TIMP2: variants seen among roughly 807,000 people sequenced by gnomAD.
The protein encoded by TIMP2 is metalloproteinase inhibitor 2.
In TIMP2, 5 loss-of-function variants were observed where a neutral mutation model predicts 24.3. The ratio of observed to expected loss-of-function variants is 0.21; its 90% CI spans 0.11 to 0.43. The LOEUF (loss-of-function observed/expected upper bound fraction) is 0.43, where lower values mean the gene tolerates loss of function less well. Among genes scored for constraint, TIMP2 ranks in the 20% least tolerant of loss-of-function variants. TIMP2 has a pLI of 1.00. For synonymous variants in TIMP2, 130 were observed against 123.2 expected (o/e 1.06, Z -0.37); for missense variants, 221 against 297.5 (o/e 0.74, Z 1.89).
chr17:78,913,109 C>A (rs7503017), intron 1 of TIMP2, among the ~76,000 whole-genome samples: 9,259 of 152,252 alleles, frequency 0.061, 731 homozygotes, highest in African/African-American at 0.18. Flanking sequence ...AACAGGCCAT[C>A]AGCCCAGCAG....
chr17:78,890,393 G>A (rs1471962753), intron 1 of TIMP2, among the ~76,000 whole-genome samples: 1 of 152,082 alleles, frequency 6.6e-6, no homozygotes, highest in Non-Finnish European at 1.5e-5. Flanking sequence ...GTAAAAACGG[G>A]GTTTCGCCAT....
chr17:78,905,532 G>A (rs1476662939), intron 1 of TIMP2, among the ~76,000 whole-genome samples: 2 of 152,222 alleles, frequency 1.3e-5, no homozygotes, highest in East Asian at 3.8e-4. Context: ...CTAAAGCAAG[G>A]GGAGAGGTTC....
chr17:78,885,627 T>A (rs1369189003), intron 1 of TIMP2, among the ~76,000 whole-genome samples: 1 of 151,980 alleles, frequency 6.6e-6, no homozygotes, highest in Non-Finnish European at 1.5e-5. Flanking sequence ...CCTGTGCACT[T>A]GTGTCCGGAA....
chr17:78,891,306 T>A lies in TIMP2; in HGVS notation c.131-17387A>T. 6.4e-7 allele frequency: 1 copy of A among 1,550,528 alleles called. No individual in the cohort carries two copies. The highest frequency in any genetic ancestry group is 8.7e-7 in the Non-Finnish European group (1 of 1,146,974). Reference sequence around the variant, plus strand: ...CTCCTGGGTTCCCCGGCAGGCAGCATCTCTGGGTCTGCCATTTTCTTCCCT... The same window carrying A: ...CTCCTGGGTTCCCCGGCAGGCAGCAACTCTGGGTCTGCCATTTTCTTCCCT... On this transcript the variant is annotated intron_variant, in intron 1 of 4. Transcript: ENST00000262768. This position sits in a 1 kb window ranked among gnomAD's most constrained non-coding sequence, Gnocchi z 4.5.
intron 1 of TIMP2, among the ~76,000 whole-genome samples, chr17:78,909,678 C>T (rs1218592829): frequency 3.3e-5 from 5 of 152,170 alleles, no homozygotes; most frequent in Non-Finnish European, 7.4e-5. Flanking sequence ...CCTAGGGTCA[C>T]CGTAAGGCTC....
At chr17:78,866,982 C>T (rs981561721) in intron 3 of TIMP2, among the ~76,000 whole-genome samples, 1 of 152,164 alleles carries the variant, frequency 6.6e-6, no homozygotes, top group African/African-American at 2.4e-5. Context: ...AATTGTAGGC[C>T]GGGCGCGGTG....
chr17:78,916,385 A>T (rs2070258254), intron 1 of TIMP2, among the ~76,000 whole-genome samples: 2 of 151,688 alleles, frequency 1.3e-5, no homozygotes, highest in South Asian at 4.2e-4. Context: ...CACAATTTCC[A>T]CTGTCTGCTG....
intron 1 of TIMP2, chr17:78,899,528 T>A (rs1325293700): frequency 1.3e-5 from 2 of 152,250 alleles, no homozygotes; most frequent in Non-Finnish European, 2.9e-5. Flanking sequence ...GGCCCAGGAA[T>A]GCAGCCAGTT....
chr17:78,882,229 C>T (rs935702746), intron 1 of TIMP2, among the ~76,000 whole-genome samples: 1 of 152,212 alleles, frequency 6.6e-6, no homozygotes, highest in Non-Finnish European at 1.5e-5. Context: ...ATCTTGGCCT[C>T]CCAGAGTGCT....
chr17:78,857,389 C>T, intron 4 of TIMP2, 133 bp downstream of exon 4: 1 of 1,272,592 alleles, frequency 7.9e-7, no homozygotes, highest in Non-Finnish European at 1.1e-6. Context: ...GATGACTCTA[C>T]CTTCCCAGAG....
chr17:78,896,691 T>TC lies in TIMP2; in HGVS notation c.131-22773dup, dbSNP rs1430299463. On this transcript the variant is annotated intron_variant, in intron 1 of 4. Coordinates refer to ENST00000262768, the MANE Select transcript of TIMP2 (RefSeq NM_003255.5). The surrounding 1 kb of genome is among the most constrained non-coding windows in gnomAD (Gnocchi z 4.4). ...TTCAACCACTCAGAGAAACCACAGC[T>TC]CCCCCCTCCGCAGAAGCCGCGCTCG... Among the ~76,000 whole-genome samples the TC allele has an allele frequency of 4.6e-5, 7 of 150,796 alleles. No individual in the cohort carries two copies. Among genetic ancestry groups the TC allele is most frequent in the Non-Finnish European group, 8.9e-5 (6 of 67,774 alleles).
chr17:78,880,033 G>A (rs556988994), intron 1 of TIMP2, among the ~76,000 whole-genome samples: 1 of 152,082 alleles, frequency 6.6e-6, no homozygotes, highest in Non-Finnish European at 1.5e-5. Flanking sequence ...AGGCCGGACC[G>A]GCTGCTGCTG....
intron 1 of TIMP2, among the ~76,000 whole-genome samples, chr17:78,910,888 A>G (rs1046610521): frequency 6.6e-5 from 10 of 152,264 alleles, no homozygotes; most frequent in Middle Eastern, 3.4e-3. Context: ...GGTTGATTCC[A>G]TATCTTGGCT....
chr17:78,909,691 G>A (rs893205565), intron 1 of TIMP2, among the ~76,000 whole-genome samples: 3 of 152,130 alleles, frequency 2.0e-5, no homozygotes, highest in Non-Finnish European at 4.4e-5. Context: ...TAAGGCTCGG[G>A]TCTCATCGGG....
At chr17:78,880,654 G>A (rs1438894093) in intron 1 of TIMP2, among the ~76,000 whole-genome samples, 1 of 152,176 alleles carries the variant, frequency 6.6e-6, no homozygotes, top group African/African-American at 2.4e-5. Flanking sequence ...AGCTATGAAT[G>A]CACCACTGCA....
Position 78,870,883 on chromosome 17 carries a change from C to T in TIMP2, c.340+15G>A. 2 of 1,606,956 alleles carry T rather than the reference C, an allele frequency of 1.2e-6. No individual in the cohort carries two copies. Among genetic ancestry groups the T allele is most frequent in the Non-Finnish European group, 1.7e-6 (2 of 1,174,632 alleles). ...TCTGTGCCAGCCTCCGGCTGATGGCCCCACTCATACACACCTGCAATGAGA... is the reference window on the plus strand; with the variant it reads ...TCTGTGCCAGCCTCCGGCTGATGGCTCCACTCATACACACCTGCAATGAGA... On this transcript the variant is annotated intron_variant, in intron 3 of 4. Coordinates refer to ENST00000262768, the MANE Select transcript of TIMP2 (RefSeq NM_003255.5).
intron 1 of TIMP2, 56 bp from the exon 2 acceptor site, chr17:78,873,975 T>C: frequency 2.0e-6 from 3 of 1,532,318 alleles, no homozygotes; most frequent in Non-Finnish European, 2.7e-6. Context: ...CTCCTGGGGC[T>C]AAGGAGAGGG....
At chr17:78,911,679 C>T (rs1486195332) in intron 1 of TIMP2, among the ~76,000 whole-genome samples, 5 of 151,970 alleles carry the variant, frequency 3.3e-5, no homozygotes, top group African/African-American at 9.7e-5. Flanking sequence ...GATCCGCCCA[C>T]CTTGGCCTCC....
chr17:78,866,272 C>T (rs891412118), intron 3 of TIMP2, among the ~76,000 whole-genome samples: 13 of 152,166 alleles, frequency 8.5e-5, no homozygotes, highest in African/African-American at 1.4e-4. Context: ...CGCCACCGTG[C>T]GTGCTGTGCG....
Sources: gnomAD v4.1 joint callset for allele counts (sites outside exome capture counted in the v4.1 genomes callset) on GRCh38, gnomAD v4.1.1 for gene constraint, Gnocchi (gnomAD v3.1) non-coding constraint, MANE v1.5 for transcripts, NCBI Gene and HGNC (gene_info 2026-07-23, HGNC 2026-07-21) for gene names.